ASIC2: variants seen among roughly 807,000 people sequenced by gnomAD.
The protein encoded by ASIC2 is acid-sensing ion channel 2.
A neutral mutation model predicts 57.3 loss-of-function variants in ASIC2; 25 were observed. The observed-to-expected ratio is 0.44, with a 90% confidence interval of 0.32 to 0.61. The LOEUF is 0.61. Ranked by LOEUF, ASIC2 falls within the 20% of genes least tolerant of loss-of-function variation. ASIC2 has a pLI of 0.06. For missense variants in ASIC2, 641 were observed against 738.1 expected, an observed-to-expected ratio of 0.87 and a Z score of 1.52; for synonymous variants, 319 against 307.5, an observed-to-expected ratio of 1.04 and a Z score of -0.39.
At chr17:33,735,690 A>G (rs1019246214) in intron 1 of ASIC2, among the ~76,000 whole-genome samples, 8 of 151,994 alleles carry the variant, frequency 5.3e-5, no homozygotes, top group Non-Finnish European at 8.8e-5. Flanking sequence ...CCCTTTCACA[A>G]AGTCCTCAAC....
At chr17:33,149,080 C>A (rs1904679413) in intron 1 of ASIC2, among the ~76,000 whole-genome samples, 1 of 151,498 alleles carries the variant, frequency 6.6e-6, no homozygotes, top group African/African-American at 2.4e-5. Flanking sequence ...GGTGACAGAG[C>A]AAGAGTCTGT....
chr17:34,143,880 A>G (rs759621527), intron 1 of ASIC2, among the ~76,000 whole-genome samples: 1 of 152,214 alleles, frequency 6.6e-6, no homozygotes, highest in African/African-American at 2.4e-5. Flanking sequence ...CTGCAGAACC[A>G]TAAGTTAACT....
At chr17:33,476,539 ACAGGGG>A (rs1913231819) in intron 1 of ASIC2, among the ~76,000 whole-genome samples, 1 of 88,510 alleles carries the variant, frequency 1.1e-5, no homozygotes, top group African/African-American at 5.5e-5. Context: ...ATATATATGT[ACAGGGG>A]TGTGTGTGTG....
At chr17:34,058,673 C>T (rs978598791) in intron 1 of ASIC2, among the ~76,000 whole-genome samples, 7 of 144,546 alleles carry the variant, frequency 4.8e-5, no homozygotes, top group Non-Finnish European at 1.0e-4. Flanking sequence ...TTTCCTCCTA[C>T]ATATTTAGGG....
intron 1 of ASIC2, chr17:34,006,607 A>T (rs1408736683): frequency 1.3e-5 from 2 of 151,094 alleles, no homozygotes; most frequent in Non-Finnish European, 2.9e-5. Context: ...ACTTATTTTT[A>T]AAAATATTTA....
intron 1 of ASIC2, among the ~76,000 whole-genome samples, chr17:33,114,776 CAG>C (rs2092274157): frequency 6.6e-6 from 1 of 152,222 alleles, no homozygotes; most frequent in African/African-American, 2.4e-5. Flanking sequence ...TATTAGGAAA[CAG>C]AGTCCCAGGA....
chr17:34,151,118 A>AT (rs370665470), intron 1 of ASIC2, among the ~76,000 whole-genome samples: 18,967 of 145,742 alleles, frequency 0.13, 1,576 homozygotes, highest in East Asian at 0.34. Flanking sequence ...AAAAAAAAAA[A>AT]AAAAAAATAA....
intron 3 of ASIC2, among the ~76,000 whole-genome samples, chr17:33,028,783 C>A (rs140634167): frequency 6.6e-6 from 1 of 152,316 alleles, no homozygotes; most frequent in African/African-American, 2.4e-5. Flanking sequence ...CATCTTGCAT[C>A]TCTTGGAAAG....
At chr17:33,705,039 G>A (rs1908822965) in intron 1 of ASIC2, among the ~76,000 whole-genome samples, 2 of 152,164 alleles carry the variant, frequency 1.3e-5, no homozygotes, top group Admixed American at 1.3e-4. Context: ...GAATGTCAGT[G>A]TCATTTAACT....
intron 1 of ASIC2, among the ~76,000 whole-genome samples, chr17:33,574,020 G>T (rs1429701992): frequency 6.6e-6 from 1 of 152,230 alleles, no homozygotes; most frequent in South Asian, 2.1e-4. Context: ...GACTGTTAGG[G>T]TGTTTCTAAT....
chr17:33,972,236 A>G (rs907676001), intron 1 of ASIC2, among the ~76,000 whole-genome samples: 8 of 152,208 alleles, frequency 5.3e-5, no homozygotes, highest in African/African-American at 1.9e-4. Flanking sequence ...TCCATGTATG[A>G]ATCCCCCAAA....
chr17:34,094,230 A>G (rs557719048), intron 1 of ASIC2, among the ~76,000 whole-genome samples: 75 of 152,332 alleles, frequency 4.9e-4, no homozygotes, highest in African/African-American at 1.8e-3. Context: ...GAGGAGTTGC[A>G]ATCAATCCTT....
At chr17:33,896,351 C>T (rs1320452360) in intron 1 of ASIC2, among the ~76,000 whole-genome samples, 1 of 152,254 alleles carries the variant, frequency 6.6e-6, no homozygotes, top group African/African-American at 2.4e-5. Flanking sequence ...TTATGTTTCC[C>T]ACTGGTTCAA....
chr17:33,390,385 A>G (rs769560831), intron 1 of ASIC2, among the ~76,000 whole-genome samples: 6 of 152,134 alleles, frequency 3.9e-5, no homozygotes, highest in Non-Finnish European at 8.8e-5. Context: ...TCTTTCTTTA[A>G]AAGTGCAGCT....
At chr17:33,700,644 G>T (rs181085184) in intron 1 of ASIC2, among the ~76,000 whole-genome samples, 14 of 152,344 alleles carry the variant, frequency 9.2e-5, no homozygotes, top group Admixed American at 2.0e-4. Flanking sequence ...AAGCTGGCAC[G>T]TAGTAAGCAA....
At chr17:33,043,114 A>G (rs2091936272) in intron 3 of ASIC2, among the ~76,000 whole-genome samples, 2 of 152,108 alleles carry the variant, frequency 1.3e-5, no homozygotes, top group Non-Finnish European at 2.9e-5. Flanking sequence ...TTTAGTAGAG[A>G]CAGGGTTTCA....
chr17:33,818,452 A>G (rs1912652806), intron 1 of ASIC2, among the ~76,000 whole-genome samples: 1 of 152,174 alleles, frequency 6.6e-6, no homozygotes, highest in Non-Finnish European at 1.5e-5. Context: ...CTCAGGTCAT[A>G]CAATAGTGAG....
chr17:33,327,712 CA>C (rs1907133753), intron 1 of ASIC2, among the ~76,000 whole-genome samples: 1 of 152,124 alleles, frequency 6.6e-6, no homozygotes, highest in South Asian at 2.1e-4. Context: ...GAGGCAAAGC[CA>C]GGGGTGTCAT....
intron 3 of ASIC2, among the ~76,000 whole-genome samples, chr17:33,077,900 T>C (rs1037908742): frequency 6.6e-6 from 1 of 152,168 alleles, no homozygotes; most frequent in African/African-American, 2.4e-5. Context: ...GTGTTGGTGA[T>C]TCTTTAAACT....
Sources: allele counts gnomAD v4.1 joint callset (sites outside exome capture counted in the v4.1 genomes callset), GRCh38; gene constraint gnomAD v4.1.1; transcripts MANE v1.5; gene names NCBI Gene and HGNC (gene_info 2026-07-23, HGNC 2026-07-21).